The following TRAPPC9 variants were observed in gnomAD, a reference collection of about 807,000 sequenced individuals.
TRAPPC9 encodes trafficking protein particle complex subunit 9.
In TRAPPC9, 83 loss-of-function variants were observed where a neutral mutation model predicts 124.0. The ratio of observed to expected loss-of-function variants is 0.67; its 90% CI spans 0.56 to 0.80. TRAPPC9 has a LOEUF of 0.80. Among genes scored for constraint, TRAPPC9 ranks in the 30% least tolerant of loss-of-function variants. TRAPPC9 has a pLI of 0.00. For synonymous variants in TRAPPC9, 638 were observed against 617.5 expected (o/e 1.03, Z -0.49); for missense variants, 1,302 against 1,508.3 (o/e 0.86, Z 2.27).
intron 17 of TRAPPC9, among the ~76,000 whole-genome samples, chr8:140,064,533 T>A (rs1441751151): frequency 6.6e-6 from 1 of 152,168 alleles, no homozygotes; most frequent in African/African-American, 2.4e-5. Flanking sequence ...ATATTATACT[T>A]GTGAATTTCC....
rs1822395644 is a variant in TRAPPC9 at position 139,788,036 on chromosome 8, AC to A, written c.3056-55835del. Among the ~76,000 whole-genome samples, 1 of 152,162 alleles carries A rather than the reference AC, an allele frequency of 6.6e-6. No individual in the cohort carries two copies. The highest frequency in any genetic ancestry group is 1.5e-5 in the Non-Finnish European group (1 of 68,028). On this transcript the variant is annotated intron_variant, in intron 21 of 22. Transcript: ENST00000438773. The surrounding 1 kb of genome is among the most constrained non-coding windows in gnomAD (Gnocchi z 4.9). ...GTCCTCCACCACTGCCAACCATGGT[AC>A]TACAAAGGGCATGGACTCAGAACTA...
intron 17 of TRAPPC9, among the ~76,000 whole-genome samples, chr8:140,032,666 TTTG>T (rs1840577021): frequency 6.6e-6 from 1 of 152,346 alleles, no homozygotes. Flanking sequence ...TTTTCAATAT[TTTG>T]TTATTATGAA....
chr8:140,120,796 C>CCATCCATCCATTCATCCATCTAA (rs2060972921), intron 17 of TRAPPC9, among the ~76,000 whole-genome samples: 1 of 151,356 alleles, frequency 6.6e-6, no homozygotes, highest in Non-Finnish European at 1.5e-5. Flanking sequence ...CATCCAACAT[C>CCATCCATCCATTCATCCATCTAA]CATCCATCCA....
chr8:139,896,601 G>A (rs1208644304), intron 20 of TRAPPC9, among the ~76,000 whole-genome samples: 2 of 152,204 alleles, frequency 1.3e-5, no homozygotes, highest in Non-Finnish European at 2.9e-5. Flanking sequence ...CAGCCAGGCT[G>A]ACCCCTGAAC....
At chr8:140,176,035 G>A (rs144408566) in intron 17 of TRAPPC9, among the ~76,000 whole-genome samples, 3 of 152,310 alleles carry the variant, frequency 2.0e-5, no homozygotes, top group South Asian at 2.1e-4. Context: ...GGAAACCGTC[G>A]CAACTCAGTG....
chr8:139,854,271 A>T (rs1297484586), intron 21 of TRAPPC9, among the ~76,000 whole-genome samples: 1 of 152,160 alleles, frequency 6.6e-6, no homozygotes, highest in East Asian at 1.9e-4. Context: ...AAGTCATCTC[A>T]CTTTCTTTGA....
At chr8:139,870,691 G>A (rs1160530490) in intron 21 of TRAPPC9, among the ~76,000 whole-genome samples, 1 of 152,150 alleles carries the variant, frequency 6.6e-6, no homozygotes, top group African/African-American at 2.4e-5. Context: ...ACACCATTAA[G>A]GAAAAGAAAT....
At position 140,257,123 on chromosome 8, in the gene TRAPPC9, C is replaced by G. The variant is rs574288756; in HGVS notation, c.2279-4194G>C. ...GCCATAGTGCAGAGTAGTTAGCTTACAGCATACCCTTAGCTCCTCCCAAAA... is the reference window on the plus strand; with the variant it reads ...GCCATAGTGCAGAGTAGTTAGCTTAGAGCATACCCTTAGCTCCTCCCAAAA... On this transcript the variant is annotated intron_variant, in intron 15 of 22. Transcript: ENST00000438773. The surrounding 1 kb of genome is among the most constrained non-coding windows in gnomAD (Gnocchi z 4.6). Among the ~76,000 whole-genome samples, 1 of 152,338 alleles carries G rather than the reference C, an allele frequency of 6.6e-6. No homozygotes were observed. Among genetic ancestry groups the G allele is most frequent in the Admixed American group, 6.5e-5 (1 of 15,308 alleles).
At chr8:140,225,856 C>T (rs572897084) in intron 16 of TRAPPC9, among the ~76,000 whole-genome samples, 2 of 152,166 alleles carry the variant, frequency 1.3e-5, no homozygotes, top group Non-Finnish European at 2.9e-5. Context: ...GCCAGCTCCT[C>T]CCGAGGGAAG....
At chr8:139,862,798 C>T (rs1240528906) in intron 21 of TRAPPC9, among the ~76,000 whole-genome samples, 2 of 152,210 alleles carry the variant, frequency 1.3e-5, no homozygotes, top group Non-Finnish European at 1.5e-5. Context: ...AGGGTCACAG[C>T]GCCCTGGTCC....
intron 17 of TRAPPC9, among the ~76,000 whole-genome samples, chr8:140,125,960 G>T (rs558838843): frequency 5.9e-5 from 9 of 152,064 alleles, no homozygotes; most frequent in Non-Finnish European, 8.8e-5. Context: ...TGAAGAAGTG[G>T]TGTTAATTTC....
At chr8:140,238,559 T>G (rs1268721251) in intron 16 of TRAPPC9, 2 of 152,262 alleles carry the variant, frequency 1.3e-5, no homozygotes, top group Non-Finnish European at 2.9e-5. Context: ...CTGGGCAGGC[T>G]GTCCGACGCG....
intron 21 of TRAPPC9, among the ~76,000 whole-genome samples, chr8:139,828,436 C>T (rs992502944): frequency 1.3e-5 from 2 of 152,192 alleles, no homozygotes; most frequent in East Asian, 1.9e-4. Context: ...CCAGACAATG[C>T]GGCCAAAGGC....
At chr8:140,358,559 T>C (rs2067826354) in intron 9 of TRAPPC9, among the ~76,000 whole-genome samples, 1 of 152,190 alleles carries the variant, frequency 6.6e-6, no homozygotes, top group African/African-American at 2.4e-5. Context: ...ACACCCCACG[T>C]TACCCTGGAG....
intron 19 of TRAPPC9, among the ~76,000 whole-genome samples, chr8:139,948,725 C>T (rs1240451993): frequency 6.6e-6 from 1 of 152,234 alleles, no homozygotes; most frequent in East Asian, 1.9e-4. Context: ...GCCCCCTTTG[C>T]AGCCTTTCCC....
intron 19 of TRAPPC9, among the ~76,000 whole-genome samples, chr8:139,946,838 T>A (rs1234760751): frequency 7.7e-6 from 1 of 129,174 alleles, no homozygotes; most frequent in African/African-American, 3.1e-5. Flanking sequence ...AAAAAAAAAA[T>A]TATCCAGGCA....
chr8:140,317,254 G>A (rs1455883200), intron 9 of TRAPPC9, among the ~76,000 whole-genome samples: 1 of 151,518 alleles, frequency 6.6e-6, no homozygotes, highest in East Asian at 1.9e-4. Flanking sequence ...ACTAACCTTG[G>A]TTGAGTCTGT....
chr8:140,362,747 T>A (rs2067993619), intron 8 of TRAPPC9, among the ~76,000 whole-genome samples: 1 of 152,188 alleles, frequency 6.6e-6, no homozygotes, highest in African/African-American at 2.4e-5. Flanking sequence ...GAAATCAATG[T>A]CATGACTAAC....
At chr8:140,451,417 CAG>C in intron 1 of TRAPPC9, 34 bp from the exon 2 acceptor site, 1 of 1,567,142 alleles carries the variant, frequency 6.4e-7, no homozygotes, top group Non-Finnish European at 8.7e-7. Flanking sequence ...CTGTGAGACA[CAG>C]AGTCCTGAGT....
Sources: allele counts gnomAD v4.1 joint callset (sites outside exome capture counted in the v4.1 genomes callset), GRCh38; gene constraint gnomAD v4.1.1; non-coding constraint Gnocchi (gnomAD v3.1); transcripts MANE v1.5; gene names NCBI Gene and HGNC (gene_info 2026-07-23, HGNC 2026-07-21).